HMBOX1: variants seen among roughly 807,000 people sequenced by gnomAD.
The protein encoded by HMBOX1 is homeobox containing 1.
HMBOX1 carries 14 observed loss-of-function variants against 54.5 expected under a neutral mutation model. The observed-to-expected ratio is 0.26, with a 90% confidence interval of 0.17 to 0.40. HMBOX1 has a LOEUF of 0.40. Among genes scored for constraint, HMBOX1 ranks in the 10% least tolerant of loss-of-function variants. The pLI is 1.00. For synonymous variants in HMBOX1, 160 were observed against 181.0 expected (o/e 0.88, Z 0.93); for missense variants, 332 against 514.4 (o/e 0.65, Z 3.43).
intron 4 of HMBOX1, among the ~76,000 whole-genome samples, chr8:29,002,239 G>C (rs1157476541): frequency 6.6e-6 from 1 of 152,154 alleles, no homozygotes; most frequent in East Asian, 1.9e-4. Context: ...TCTCCATAGG[G>C]CTGCTTGAGT....
chr8:29,037,874 C>T (rs1804163681), intron 6 of HMBOX1, among the ~76,000 whole-genome samples: 1 of 152,154 alleles, frequency 6.6e-6, no homozygotes, highest in African/African-American at 2.4e-5. Flanking sequence ...TAAAAGCAGG[C>T]CTTTCCTGCC....
At chr8:29,007,640 G>A (rs529432818) in intron 4 of HMBOX1, among the ~76,000 whole-genome samples, 1 of 152,192 alleles carries the variant, frequency 6.6e-6, no homozygotes, top group African/African-American at 2.4e-5. Flanking sequence ...AACATTGTGA[G>A]ACCCTGTCTC....
rs866076684 is a variant in HMBOX1 at position 28,973,816 on chromosome 8, T to G, written c.500+3297T>G. ...ATACATAATGGAGTTTTTTTTTTTT[T>G]TTTTTTTTTTTTTTTTTTGAGACAG... On this transcript the variant is annotated intron_variant, in intron 3 of 9. Coordinates refer to ENST00000287701, the MANE Select transcript of HMBOX1 (RefSeq NM_001135726.3). Among the ~76,000 whole-genome samples the G allele has an allele frequency of 1.2e-3, 120 of 101,374 alleles. 1 individual carries two copies. Among genetic ancestry groups the G allele is most frequent in the Non-Finnish European group, 1.5e-3 (70 of 46,128 alleles). 66.5% of individuals were successfully genotyped at this position (101,374 alleles called of 152,430 possible).
At chr8:29,025,080 A>G (rs941374232) in intron 6 of HMBOX1, among the ~76,000 whole-genome samples, 1 of 152,240 alleles carries the variant, frequency 6.6e-6, no homozygotes, top group Non-Finnish European at 1.5e-5. Context: ...TTAGGAAGCT[A>G]TTAGAGTAAC....
intron 5 of HMBOX1, among the ~76,000 whole-genome samples, chr8:29,016,547 T>A (rs1414192909): frequency 6.6e-6 from 1 of 152,244 alleles, no homozygotes; most frequent in Non-Finnish European, 1.5e-5. Flanking sequence ...CAGCATTTAT[T>A]ATCTCATAGT....
intron 6 of HMBOX1, among the ~76,000 whole-genome samples, chr8:29,037,302 G>A (rs1011802499): frequency 6.6e-5 from 10 of 152,060 alleles, no homozygotes; most frequent in African/African-American, 2.4e-4. Context: ...AATGCAAATT[G>A]GTTTGTTGCT....
intron 4 of HMBOX1, among the ~76,000 whole-genome samples, chr8:28,992,234 G>A (rs558385690): frequency 6.6e-6 from 1 of 152,210 alleles, no homozygotes; most frequent in Non-Finnish European, 1.5e-5. Context: ...CTCCTCTTCT[G>A]GAAAATGGAA....
chr8:29,034,252 T>G (rs575361596), intron 6 of HMBOX1, among the ~76,000 whole-genome samples: 8 of 152,318 alleles, frequency 5.3e-5, no homozygotes, highest in Admixed American at 1.3e-4. Flanking sequence ...AGAGTATACT[T>G]TGAAAACCTA....
intron 1 of HMBOX1, among the ~76,000 whole-genome samples, chr8:28,936,334 A>C (rs1320961196): frequency 1.3e-5 from 2 of 152,072 alleles, no homozygotes; most frequent in African/African-American, 4.8e-5. Context: ...CCCTTTCACC[A>C]GTATTACTTT....
chr8:28,906,125 T>C (rs905280116), intron 1 of HMBOX1, among the ~76,000 whole-genome samples: 5 of 152,196 alleles, frequency 3.3e-5, no homozygotes, highest in Non-Finnish European at 7.3e-5. Context: ...CCAACACCCA[T>C]TGGGAAATCT....
intron 6 of HMBOX1, among the ~76,000 whole-genome samples, chr8:29,042,185 A>G (rs912603329): frequency 6.6e-6 from 1 of 152,158 alleles, no homozygotes; most frequent in Non-Finnish European, 1.5e-5. Flanking sequence ...GTGAACTAAG[A>G]TCACTGTATG....
At chr8:28,932,488 C>T (rs1819637627) in intron 1 of HMBOX1, among the ~76,000 whole-genome samples, 1 of 152,082 alleles carries the variant, frequency 6.6e-6, no homozygotes, top group Non-Finnish European at 1.5e-5. Flanking sequence ...AGTTTTTCTG[C>T]CTCATACTCA....
upstream of HMBOX1, chr8:28,890,364 ACG>A: frequency 5.9e-6 from 1 of 168,700 alleles, no homozygotes; most frequent in Non-Finnish European, 1.3e-5. Context: ...ACTCCCAGGG[ACG>A]CCCGGCGGCA....
chr8:28,967,799 T>G (rs1456841376), intron 2 of HMBOX1, among the ~76,000 whole-genome samples: 1 of 152,170 alleles, frequency 6.6e-6, no homozygotes, highest in African/African-American at 2.4e-5. Flanking sequence ...TGAAAATAGG[T>G]CTTTTTAAAA....
At chr8:28,916,672 C>G (rs1157694055) in intron 1 of HMBOX1, among the ~76,000 whole-genome samples, 4 of 152,136 alleles carry the variant, frequency 2.6e-5, no homozygotes, top group Non-Finnish European at 1.5e-5. Flanking sequence ...ATTGATCTAT[C>G]TGTCTGTCCC....
At chr8:28,902,925 ATTTGC>A (rs1813506400) in intron 1 of HMBOX1, among the ~76,000 whole-genome samples, 1 of 152,100 alleles carries the variant, frequency 6.6e-6, no homozygotes, top group African/African-American at 2.4e-5. Context: ...ACTGTTAATA[ATTTGC>A]TTTGCTTTCA....
rs1552471 is a variant in HMBOX1, at chr8:29,049,070, C to T, written c.1125+22C>T. On this transcript the variant is annotated intron_variant, in intron 9 of 9. Coordinates refer to ENST00000287701, the MANE Select transcript of HMBOX1 (RefSeq NM_001135726.3). ...GCAGGTGAGCCCCTGCGCAGCTGGG[C>T]GAGGTTCTTGGTGCCTGAGCAGGGG... 47 of 1,604,366 alleles carry T rather than the reference C, an allele frequency of 2.9e-5. No individual in the cohort carries two copies. In the Admixed American group the frequency reaches 4.2e-4, roughly 14 times the overall value.
chr8:28,965,911 AGT>A (rs1297175366), intron 2 of HMBOX1, among the ~76,000 whole-genome samples: 1 of 152,102 alleles, frequency 6.6e-6, no homozygotes, highest in East Asian at 1.9e-4. Context: ...TTGACCCTAG[AGT>A]GTGTTAAATT....
rs752816636 is a variant in HMBOX1, at chr8:28,970,360, C to G, written c.341C>G (p.Thr114Ser). 25 of 1,614,026 alleles carry G rather than the reference C, an allele frequency of 1.5e-5. No homozygotes were observed. The East Asian group carries it at 5.1e-4, about 33-fold the overall frequency. The part of the protein sequence containing the change: ...SYDTSPQPCT[T>S]NQNGRENNER... ...GATACTTCCCCACAGCCTTGCACTA[C>G]CAATCAAAATGGGAGGGAGAATAAT... The change falls in exon 3 of 10, where the codon ACC becomes AGC. Residue 114 changes from threonine to serine, a missense_variant. Thr to Ser is a moderately conservative substitution (Grantham distance 58). Around this residue, in one of 4 missense-constraint regions of HMBOX1, gnomAD observed 146 missense variants for 173.3 expected, o/e 0.84. Transcript: ENST00000287701. The surrounding 1 kb of genome is among the most constrained non-coding windows in gnomAD (Gnocchi z 4.3).
Sources: allele counts gnomAD v4.1 joint callset (sites outside exome capture counted in the v4.1 genomes callset), GRCh38; gene constraint gnomAD v4.1.1; regional missense constraint gnomAD v4.1.1; non-coding constraint Gnocchi (gnomAD v3.1); transcripts MANE v1.5; gene names NCBI Gene and HGNC (gene_info 2026-07-23, HGNC 2026-07-21).